Variants in CMTM6 observed in about 807,000 individuals in gnomAD.
CMTM6 encodes CKLF like MARVEL transmembrane domain containing 6, also known as CKLF-like MARVEL transmembrane domain-containing protein 6.
In CMTM6, 5 loss-of-function variants were observed where a neutral mutation model predicts 13.6. The observed-to-expected ratio is 0.37, with a 90% CI of 0.19 to 0.77. CMTM6 has a LOEUF of 0.77. Ranked by LOEUF, CMTM6 falls within the 30% of genes least tolerant of loss-of-function variation. The pLI, the probability that CMTM6 is intolerant of heterozygous loss-of-function variation, is 0.50. For missense variants in CMTM6, 196 were observed against 218.6 expected, an observed-to-expected ratio of 0.90 and a Z score of 0.65; for synonymous variants, 99 against 84.5, an observed-to-expected ratio of 1.17 and a Z score of -0.94.
Position 32,488,048 on chromosome 3 carries a change from T to C in CMTM6, c.316-12A>G, listed in dbSNP as rs1056048626. ...GTAATATAAAAATCCTATGCATACA[T>C]ACAAAACACAAAAGGAATACAATAC... On this transcript the variant is annotated splice_polypyrimidine_tract_variant and intron_variant, in intron 2 of 3. Coordinates refer to ENST00000205636, the MANE Select transcript of CMTM6 (RefSeq NM_017801.3). 5 of 1,540,212 alleles carry C rather than the reference T, an allele frequency of 3.2e-6. No individual in the cohort carries two copies. In the African/African-American group the frequency reaches 4.1e-5, roughly 13 times the overall value.
intron 1 of CMTM6, among the ~76,000 whole-genome samples, chr3:32,495,424 C>T (rs1372693012): frequency 6.6e-6 from 1 of 152,198 alleles, no homozygotes; most frequent in African/African-American, 2.4e-5. Flanking sequence ...TCTAACATGA[C>T]TATAGTCTAA....
At chr3:32,493,777 A>C (rs1457473929) in intron 1 of CMTM6, among the ~76,000 whole-genome samples, 4 of 152,236 alleles carry the variant, frequency 2.6e-5, no homozygotes, top group Non-Finnish European at 5.9e-5. Context: ...CAAGTAATCA[A>C]GAGTGCTAAA....
intron 2 of CMTM6, among the ~76,000 whole-genome samples, chr3:32,489,979 C>T (rs1286353374): frequency 1.3e-5 from 2 of 152,180 alleles, no homozygotes; most frequent in African/African-American, 2.4e-5. Context: ...AGAAGACATT[C>T]TCTCTTAAAA....
At chr3:32,493,529 G>T (rs116470688) in intron 1 of CMTM6, among the ~76,000 whole-genome samples, 15 of 152,274 alleles carry the variant, frequency 9.9e-5, no homozygotes, top group Non-Finnish European at 1.6e-4. Context: ...GAAAGCAAAT[G>T]AATATAAGGT....
rs1575139458 is a variant in CMTM6, at chr3:32,497,372, G to A, written c.138+5236C>T. Among the ~76,000 whole-genome samples the A allele has an allele frequency of 2.5e-5, 3 of 121,024 alleles. No homozygotes were observed. The Admixed American group carries it at 2.6e-4, about 11-fold the overall frequency. The allele number at this position is 121,024 out of a possible 152,430, so 79.4% of individuals were successfully genotyped here. On this transcript the variant is annotated intron_variant, in intron 1 of 3. Coordinates refer to ENST00000205636, the MANE Select transcript of CMTM6 (RefSeq NM_017801.3). ...TGCACTCCAGCCTGGGCAACAGCGA[G>A]ACTCTGTCTCAAAAAAAAAAAAAAA...
chr3:32,495,061 G>C (rs1575138885), intron 1 of CMTM6, among the ~76,000 whole-genome samples: 1 of 151,650 alleles, frequency 6.6e-6, no homozygotes, highest in Non-Finnish European at 1.5e-5. Flanking sequence ...AAAATAAAAA[G>C]TTAAAAAATA....
intron 3 of CMTM6, 184 bp downstream of exon 3, chr3:32,487,754 A>C: frequency 2.3e-6 from 1 of 440,848 alleles, no homozygotes. Flanking sequence ...GTCAAATTCT[A>C]TAGGCTCTAG....
Position 32,483,285 on chromosome 3 carries a change from A to G in CMTM6, c.*675T>C, listed in dbSNP as rs1697172321. ...CAACCAAGGTGCAGTATAAACACGA[A>G]GTTGCTGATATTGTTGCTTTTATAC... On this transcript the variant is annotated 3_prime_UTR_variant, in exon 4 of 4. Transcript: ENST00000205636. The G allele has an allele frequency of 6.6e-6, 1 of 152,636 alleles. No individual in the cohort carries two copies. The highest frequency in any genetic ancestry group is 2.1e-4 in the South Asian group (1 of 4,832). The allele number at this position is 152,636 out of a possible 1,614,324, so 9.5% of individuals were successfully genotyped here.
chr3:32,491,948 A>T (rs1697253526), intron 1 of CMTM6, 62 bp from the exon 2 acceptor site: 1 of 1,371,296 alleles, frequency 7.3e-7, no homozygotes, highest in African/African-American at 1.5e-5. Context: ...GTATTTAGAA[A>T]GCTGTTTCTG....
At chr3:32,484,162 GGC>G in intron 3 of CMTM6, 65 bp from the exon 4 acceptor site, 1 of 1,302,434 alleles carries the variant, frequency 7.7e-7, no homozygotes, top group Non-Finnish European at 1.0e-6. Context: ...TTTCCTACTT[GGC>G]TTGGAGAATG....
chr3:32,491,852 ACTT>A lies in CMTM6; in HGVS notation c.170_172del (p.Glu57del). ...TCCACATAAAGTACATTGTGATACA[ACTT>A]CTTCACAGATGAAGGCCAGCAGAGA... On this transcript the variant is annotated inframe_deletion, in exon 2 of 4. Transcript: ENST00000205636. 1.9e-6 allele frequency: 3 copies of A among 1,611,806 alleles called. No individual in the cohort carries two copies. The highest frequency in any genetic ancestry group is 2.5e-6 in the Non-Finnish European group (3 of 1,179,336).
At chr3:32,486,894 T>C (rs1697210207) in intron 3 of CMTM6, among the ~76,000 whole-genome samples, 1 of 152,220 alleles carries the variant, frequency 6.6e-6, no homozygotes, top group Admixed American at 6.5e-5. Flanking sequence ...TTCCTCCTGC[T>C]CTGGCCATGT....
intron 1 of CMTM6, among the ~76,000 whole-genome samples, chr3:32,492,489 G>A (rs577368143): frequency 1.2e-4 from 18 of 152,230 alleles, no homozygotes; most frequent in African/African-American, 2.9e-4. Context: ...TTAAGAGTCT[G>A]GATTTTAAAG....
At chr3:32,490,813 G>A (rs1413326984) in intron 2 of CMTM6, among the ~76,000 whole-genome samples, 1 of 151,936 alleles carries the variant, frequency 6.6e-6, no homozygotes, top group Non-Finnish European at 1.5e-5. Flanking sequence ...ATTTCAATCT[G>A]TAATTTTTTT....
chr3:32,496,796 A>T (rs1269562210), intron 1 of CMTM6, among the ~76,000 whole-genome samples: 2 of 152,206 alleles, frequency 1.3e-5, no homozygotes, highest in Non-Finnish European at 2.9e-5. Context: ...ACATATTCAT[A>T]AGGGCAAGAA....
intron 1 of CMTM6, among the ~76,000 whole-genome samples, chr3:32,497,644 GGT>G: frequency 6.6e-6 from 1 of 151,736 alleles, no homozygotes; most frequent in East Asian, 1.9e-4. Flanking sequence ...TGGATCACGA[GGT>G]CAGGAATTTG....
chr3:32,491,912 T>G, intron 1 of CMTM6, 26 bp from the exon 2 acceptor site: 2 of 1,565,414 alleles, frequency 1.3e-6, no homozygotes, highest in Non-Finnish European at 1.7e-6. Context: ...AACATTTTAC[T>G]TAAGTGTTTT....
intron 3 of CMTM6, among the ~76,000 whole-genome samples, chr3:32,484,568 T>C (rs561924629): frequency 1.7e-4 from 26 of 152,324 alleles, no homozygotes; most frequent in African/African-American, 6.0e-4. Context: ...GTTAAATTAC[T>C]TAAATAATGT....
At chr3:32,498,103 T>C (rs1697312050) in intron 1 of CMTM6, among the ~76,000 whole-genome samples, 1 of 152,208 alleles carries the variant, frequency 6.6e-6, no homozygotes, top group African/African-American at 2.4e-5. Flanking sequence ...TTAAGCTAAG[T>C]ACTTAACAAC....
Sources: gnomAD v4.1 joint callset for allele counts (sites outside exome capture counted in the v4.1 genomes callset) on GRCh38, gnomAD v4.1.1 for gene constraint, MANE v1.5 for transcripts, NCBI Gene and HGNC (gene_info 2026-07-23, HGNC 2026-07-21) for gene names.